Variants in PCDHGA12 observed in about 807,000 individuals in gnomAD.
PCDHGA12 encodes the protein protocadherin gamma subfamily A, 12.
Under a neutral mutation model 61.1 loss-of-function variants are expected in PCDHGA12, and 43 were observed. The observed-to-expected ratio is 0.70, with a 90% confidence interval of 0.55 to 0.91. The LOEUF is 0.91. PCDHGA12 is among the 40% of genes least tolerant of loss of function. The probability of loss-of-function intolerance (pLI) is 0.00; values close to 1 mark genes in which losing one functional copy is unlikely to be tolerated. For missense variants in PCDHGA12, 1,236 were observed against 1,227.7 expected, an observed-to-expected ratio of 1.01 and a Z score of -0.10; for synonymous variants, 520 against 542.9, an observed-to-expected ratio of 0.96 and a Z score of 0.59.
chr5:141,437,388 C>T (rs1434464979), intron 1 of PCDHGA12, among the ~76,000 whole-genome samples: 1 of 152,186 alleles, frequency 6.6e-6, no homozygotes, highest in Non-Finnish European at 1.5e-5. Context: ...AGACATTCAT[C>T]CACTGCTTTC....
chr5:141,451,806 A>G (rs145650418), intron 1 of PCDHGA12, among the ~76,000 whole-genome samples: 6,855 of 150,824 alleles, frequency 0.045, 259 homozygotes, highest in African/African-American at 0.1. Context: ...GCTTGAACCC[A>G]GGAGGCGGAG....
At chr5:141,488,031 A>G (rs1475176300) in intron 1 of PCDHGA12, among the ~76,000 whole-genome samples, 1 of 152,122 alleles carries the variant, frequency 6.6e-6, no homozygotes, top group Non-Finnish European at 1.5e-5. Context: ...CTAGGTTACC[A>G]TTTCCCAAGG....
chr5:141,441,739 C>T, intron 1 of PCDHGA12: 1 of 365,272 alleles, frequency 2.7e-6, no homozygotes, highest in South Asian at 2.2e-5. Context: ...GACTAGCTCG[C>T]GCTCGGCGTC....
chr5:141,497,509 C>T (rs1282025317), intron 2 of PCDHGA12, among the ~76,000 whole-genome samples: 1 of 151,184 alleles, frequency 6.6e-6, no homozygotes, highest in Non-Finnish European at 1.5e-5. Flanking sequence ...CTCTCTGCTT[C>T]CTTAGTTAAC....
At chr5:141,483,385 G>C (rs1166547027) in intron 1 of PCDHGA12, among the ~76,000 whole-genome samples, 1 of 152,160 alleles carries the variant, frequency 6.6e-6, no homozygotes, top group Non-Finnish European at 1.5e-5. Context: ...AGAGAAGATT[G>C]ATAAATGCTT....
At chr5:141,484,891 C>T in intron 1 of PCDHGA12, 1 of 361,788 alleles carries the variant, frequency 2.8e-6, no homozygotes, top group Non-Finnish European at 5.0e-6. Context: ...GGGCTTTTTC[C>T]CCTCCAATGC....
intron 1 of PCDHGA12, among the ~76,000 whole-genome samples, chr5:141,443,866 T>C (rs1017854695): frequency 6.6e-6 from 1 of 151,986 alleles, no homozygotes; most frequent in Non-Finnish European, 1.5e-5. Context: ...ACTGAAAAAA[T>C]TACTGATAAG....
At chr5:141,496,121 C>G (rs1391009290) in intron 2 of PCDHGA12, among the ~76,000 whole-genome samples, 1 of 152,088 alleles carries the variant, frequency 6.6e-6, no homozygotes, top group Non-Finnish European at 1.5e-5. Context: ...TCCTTCCCTG[C>G]CCCTCACACA....
At position 141,485,680 on chromosome 5, in the gene PCDHGA12, C is replaced by A. The variant is rs1450674419; in HGVS notation, c.2425-9127C>A. The A allele has an allele frequency of 6.2e-7, 1 of 1,613,966 alleles. No individual in the cohort carries two copies. On this transcript the variant is annotated intron_variant, in intron 1 of 3. Transcript: ENST00000252085. The surrounding 1 kb of genome is among the most constrained non-coding windows in gnomAD (Gnocchi z 5.7). ...ATGTGGGGAGCAATTCGATTAGCAGCTATAGGCTGAGCTCCAATGAACACT... is the reference window on the plus strand; with the variant it reads ...ATGTGGGGAGCAATTCGATTAGCAGATATAGGCTGAGCTCCAATGAACACT...
At chr5:141,433,401 A>ATCTATCTATCTC (rs1444244130) in intron 1 of PCDHGA12, among the ~76,000 whole-genome samples, 15 of 150,598 alleles carry the variant, frequency 1.0e-4, no homozygotes, top group African/African-American at 3.4e-4. Flanking sequence ...CTATCTATCT[A>ATCTATCTATCTC]TCTATTACTT....
At chr5:141,497,541 T>C (rs1157403777) in intron 2 of PCDHGA12, among the ~76,000 whole-genome samples, 9 of 89,564 alleles carry the variant, frequency 1.0e-4, no homozygotes, top group Non-Finnish European at 2.1e-4. Context: ...GCAACAAACC[T>C]TTTTTTTTTT....
At position 141,512,348 on chromosome 5, in the gene PCDHGA12, G is replaced by C. The variant is rs1172891268; in HGVS notation, c.*1175G>C. 4 of 152,886 alleles carry C rather than the reference G, an allele frequency of 2.6e-5. No homozygotes were observed. The highest frequency in any genetic ancestry group is 9.6e-5 in the African/African-American group (4 of 41,462). The allele number at this position is 152,886 out of a possible 1,614,324, so 9.5% of individuals were successfully genotyped here. A position where few individuals can be genotyped will look rare whatever the true frequency, so the allele number is the denominator to read the frequency against. ...GGCCATTCTTAGTCCCTGGGTTGGG[G>C]AGGCAGGGAGCTAGGGCAGGGACCA... On this transcript the variant is annotated 3_prime_UTR_variant, in exon 4 of 4. Transcript: ENST00000252085.
chr5:141,470,778 C>A (rs1047167697), intron 1 of PCDHGA12, among the ~76,000 whole-genome samples: 1 of 152,132 alleles, frequency 6.6e-6, no homozygotes, highest in African/African-American at 2.4e-5. Context: ...GTCTTGAATT[C>A]CTGGGCTCAA....
chr5:141,489,220 C>G lies in PCDHGA12; in HGVS notation c.2425-5587C>G. The G allele has an allele frequency of 6.6e-7, 1 of 1,508,698 alleles. No individual in the cohort carries two copies. Among genetic ancestry groups the G allele is most frequent in the South Asian group, 1.3e-5 (1 of 75,604 alleles). The allele number at this position is 1,508,698 out of a possible 1,614,324, so 93.5% of individuals were successfully genotyped here. A position where few individuals can be genotyped will look rare whatever the true frequency, so the allele number is the denominator to read the frequency against. ...AGACAGGACAGCACAGACTTACTCT[C>G]CACAAAGGGACTTCTGGGTCATGGG... On this transcript the variant is annotated intron_variant, in intron 1 of 3. Transcript: ENST00000252085. The surrounding 1 kb of genome is among the most constrained non-coding windows in gnomAD (Gnocchi z 4.5).
In PCDHGA12 at chr5:141,510,272, T is replaced by TAAA. The variant is rs546154379; in HGVS notation, c.2573-658_2573-656dup. 1.5e-3 allele frequency among the ~76,000 whole-genome samples: 198 copies of TAAA among 130,372 alleles called. 1 individual carries two copies. Among genetic ancestry groups the TAAA allele is most frequent in the Non-Finnish European group, 2.8e-3 (172 of 61,058 alleles). The allele number at this position is 130,372 out of a possible 152,430, so 85.5% of individuals were successfully genotyped here. ...TGGGCGACAGAGCAGGACTCCATCTTAAAAAAAAAAAAAAAAAAATGCTGT... is the reference window on the plus strand; with the variant it reads ...TGGGCGACAGAGCAGGACTCCATCTTAAAAAAAAAAAAAAAAAAAAAATGCTGT... On this transcript the variant is annotated intron_variant, in intron 3 of 3. Coordinates refer to ENST00000252085, the MANE Select transcript of PCDHGA12 (RefSeq NM_003735.3).
rs2099669219 is a variant in PCDHGA12, at chr5:141,487,927, C to T, written c.2425-6880C>T. 3 of 626,498 alleles carry T rather than the reference C, an allele frequency of 4.8e-6. No homozygotes were observed. Among genetic ancestry groups the T allele is most frequent in the Admixed American group, 5.9e-5 (2 of 34,100 alleles). The allele number at this position is 626,498 out of a possible 1,614,324, so 38.8% of individuals were successfully genotyped here. On this transcript the variant is annotated intron_variant, in intron 1 of 3. Coordinates refer to ENST00000252085, the MANE Select transcript of PCDHGA12 (RefSeq NM_003735.3). The surrounding 1 kb of genome is among the most constrained non-coding windows in gnomAD (Gnocchi z 5.0). ...TGGGAGCACAGGAGGCTACAGTGCA[C>T]AGGGTACAGTGCACCAGGCAGTCAC...
chr5:141,505,413 C>T lies in PCDHGA12; in HGVS notation c.2504C>T (p.Thr835Ile), dbSNP rs1240988786. ...CCCAGCTCCCAAAATGGCGATGACA[C>T]CGGCACCTGGCCCAACAACCAGTTT... is the stretch of plus-strand genomic sequence containing the variant. ...GTSGSQNGDD[T>I]GTWPNNQFDT... Residue 835 changes from threonine to isoleucine, a missense_variant, in exon 3 of 4, where the codon ACC becomes ATC. By Grantham distance (89) the Thr-to-Ile change is moderately conservative. Coordinates refer to ENST00000252085, the MANE Select transcript of PCDHGA12 (RefSeq NM_003735.3). 10 of 1,614,202 alleles carry T rather than the reference C, an allele frequency of 6.2e-6. No homozygotes were observed. Among genetic ancestry groups the T allele is most frequent in the Non-Finnish European group, 7.6e-6 (9 of 1,180,046 alleles).
intron 1 of PCDHGA12, among the ~76,000 whole-genome samples, chr5:141,482,329 T>A (rs1334833454): frequency 6.6e-6 from 1 of 152,160 alleles, no homozygotes; most frequent in Non-Finnish European, 1.5e-5. Context: ...ATAAAGAGAA[T>A]ATCTACTTTG....
chr5:141,490,322 A>C lies in PCDHGA12; in HGVS notation c.2425-4485A>C. ...GCCTCTTTGGCCAACCCTGTCCTAGAGAGCACACCAGTGGGCACAGTAGTG... is the reference window on the plus strand; with the variant it reads ...GCCTCTTTGGCCAACCCTGTCCTAGCGAGCACACCAGTGGGCACAGTAGTG... On this transcript the variant is annotated intron_variant, in intron 1 of 3. Coordinates refer to ENST00000252085, the MANE Select transcript of PCDHGA12 (RefSeq NM_003735.3). This position sits in a 1 kb window ranked among gnomAD's most constrained non-coding sequence, Gnocchi z 5.4. The C allele has an allele frequency of 6.2e-7, 1 of 1,614,232 alleles. No individual in the cohort carries two copies. Among genetic ancestry groups the C allele is most frequent in the Non-Finnish European group, 8.5e-7 (1 of 1,180,038 alleles).
Sources: gnomAD v4.1 joint callset for allele counts (sites outside exome capture counted in the v4.1 genomes callset) on GRCh38, gnomAD v4.1.1 for gene constraint, Gnocchi (gnomAD v3.1) non-coding constraint, MANE v1.5 for transcripts, NCBI Gene and HGNC (gene_info 2026-07-23, HGNC 2026-07-21) for gene names.